Variants in PIK3C2G observed in about 807,000 individuals in gnomAD.
PIK3C2G encodes the protein phosphatidylinositol-4-phosphate 3-kinase catalytic subunit type 2 gamma.
PIK3C2G carries 168 observed loss-of-function variants against 181.1 expected under a neutral mutation model. That is an observed-to-expected ratio of 0.93 (90% CI 0.82 to 1.05). The LOEUF is 1.05. Ranked by LOEUF, PIK3C2G falls within the 50% of genes least tolerant of loss-of-function variation. The probability of loss-of-function intolerance (pLI) is 0.00; values close to 1 mark genes in which losing one functional copy is unlikely to be tolerated. For synonymous variants in PIK3C2G, 573 were observed against 592.2 expected (o/e 0.97, Z 0.47); for missense variants, 1,869 against 1,732.8 (o/e 1.08, Z -1.40).
At chr12:18,613,051 A>C (rs1948422828) in intron 31 of PIK3C2G, among the ~76,000 whole-genome samples, 1 of 152,172 alleles carries the variant, frequency 6.6e-6, no homozygotes. Context: ...GAAACATATA[A>C]AGAACAGTTA....
chr12:18,303,115 C>CTTCCTTCTTTCTTTCT (rs1950253821), intron 5 of PIK3C2G, among the ~76,000 whole-genome samples: 1 of 136,604 alleles, frequency 7.3e-6, no homozygotes, highest in African/African-American at 2.8e-5. Flanking sequence ...TCTTTCTTTC[C>CTTCCTTCTTTCTTTCT]TTCTTTCTTT....
chr12:18,303,196 CT>C (rs1368930740), intron 5 of PIK3C2G, among the ~76,000 whole-genome samples: 1 of 139,840 alleles, frequency 7.2e-6, no homozygotes, highest in African/African-American at 2.7e-5. Context: ...TTCTTTCTTT[CT>C]TTTCCTTTCT....
At chr12:18,553,256 TA>T (rs1486877985) in intron 26 of PIK3C2G, among the ~76,000 whole-genome samples, 4 of 152,172 alleles carry the variant, frequency 2.6e-5, no homozygotes, top group South Asian at 2.1e-4. Context: ...TGTTAAGATT[TA>T]TTTTTTTTGC....
chr12:18,353,442 C>T (rs868243523), intron 11 of PIK3C2G, among the ~76,000 whole-genome samples: 14 of 152,216 alleles, frequency 9.2e-5, no homozygotes, highest in African/African-American at 3.4e-4. Context: ...ACATTGTACC[C>T]CAAGCCGTTT....
chr12:18,635,399 A>G (rs1949548954), intron 31 of PIK3C2G, among the ~76,000 whole-genome samples: 1 of 152,162 alleles, frequency 6.6e-6, no homozygotes, highest in Admixed American at 6.5e-5. Flanking sequence ...TTGATGATGG[A>G]GTATTGTGAT....
At chr12:18,386,174 C>T (rs182127554) in intron 14 of PIK3C2G, among the ~76,000 whole-genome samples, 3 of 152,154 alleles carry the variant, frequency 2.0e-5, no homozygotes, top group Admixed American at 1.3e-4. Flanking sequence ...TTCCCAGGCT[C>T]TCACCAAAGA....
At chr12:18,700,914 A>G in the PIK3C2G span, among the ~76,000 whole-genome samples, 46 of 152,194 alleles carry the variant, frequency 3.0e-4, no homozygotes, top group African/African-American at 1.1e-3. Context: ...TACGTTGTGT[A>G]TCTCTGCATC....
Position 18,465,040 on chromosome 12 carries a change from T to A in PIK3C2G, c.2505-23409T>A, listed in dbSNP as rs187489822. 1.3e-3 allele frequency among the ~76,000 whole-genome samples: 196 copies of A among 151,994 alleles called. 2 individuals are homozygous for A. Among genetic ancestry groups the A allele is most frequent in the African/African-American group, 4.6e-3 (192 of 41,512 alleles). ...AACTCTCTAATCTACCAAAGCTGTATTAGAAATTGTAACATCTACACTTAA... is the reference window on the plus strand; with the variant it reads ...AACTCTCTAATCTACCAAAGCTGTAATAGAAATTGTAACATCTACACTTAA... On this transcript the variant is annotated intron_variant, in intron 18 of 32. Transcript: ENST00000538779.
chr12:18,523,152 AT>A (rs1413041999), intron 24 of PIK3C2G, among the ~76,000 whole-genome samples: 1 of 151,650 alleles, frequency 6.6e-6, no homozygotes, highest in Non-Finnish European at 1.5e-5. Context: ...ATTTCATTTA[AT>A]TTTCTATCTG....
intron 8 of PIK3C2G, among the ~76,000 whole-genome samples, chr12:18,331,635 G>T (rs958996190): frequency 6.6e-6 from 1 of 151,904 alleles, no homozygotes; most frequent in South Asian, 2.1e-4. Context: ...TTAGTCTATA[G>T]CCCTCTTATT....
chr12:18,642,762 T>C (rs1306024928), intron 32 of PIK3C2G, among the ~76,000 whole-genome samples: 1 of 151,318 alleles, frequency 6.6e-6, no homozygotes, highest in East Asian at 1.9e-4. Context: ...GTAATAAATA[T>C]TCGGGGCAGT....
In PIK3C2G at chr12:18,466,698, C is replaced by T. The variant is rs149280355; in HGVS notation, c.2505-21751C>T. Among the ~76,000 whole-genome samples, 1,172 of 151,892 alleles carry T rather than the reference C, an allele frequency of 7.7e-3. 5 individuals are homozygous for T. The highest frequency in any genetic ancestry group is 0.031 in the South Asian group (148 of 4,824). ...TGGATGGATGATTTATTTAGAGAAGCTCGAAAGGTTCAATAAATAGCACAT... is the reference window on the plus strand; with the variant it reads ...TGGATGGATGATTTATTTAGAGAAGTTCGAAAGGTTCAATAAATAGCACAT... On this transcript the variant is annotated intron_variant, in intron 18 of 32. Transcript: ENST00000538779.
At chr12:18,444,909 A>T (rs1946943611) in intron 18 of PIK3C2G, among the ~76,000 whole-genome samples, 1 of 152,144 alleles carries the variant, frequency 6.6e-6, no homozygotes, top group South Asian at 2.1e-4. Context: ...CTTACCCATA[A>T]TTAAAACTAT....
chr12:18,346,913 T>C (rs1939721994), intron 11 of PIK3C2G, 77 bp downstream of exon 11: 3 of 859,200 alleles, frequency 3.5e-6, no homozygotes, highest in South Asian at 2.5e-5. Flanking sequence ...GTCATGTTCT[T>C]ATATGCAGGA....
At chr12:18,301,722 T>G (rs1268860569) in intron 5 of PIK3C2G, among the ~76,000 whole-genome samples, 1 of 152,178 alleles carries the variant, frequency 6.6e-6, no homozygotes, top group Non-Finnish European at 1.5e-5. Flanking sequence ...TTCTTTGGAA[T>G]GAAATTCGTG....
chr12:18,628,020 G>A (rs943088712), intron 31 of PIK3C2G, among the ~76,000 whole-genome samples: 2 of 152,154 alleles, frequency 1.3e-5, no homozygotes, highest in African/African-American at 2.4e-5. Context: ...AACCACGTCT[G>A]TATCTTCATC....
At chr12:18,723,434 C>T in the PIK3C2G span, 8 of 1,612,998 alleles carry the variant, frequency 5.0e-6, no homozygotes, top group Non-Finnish European at 6.8e-6. Flanking sequence ...TTCCGGTTTT[C>T]AGAATATGTG....
intron 8 of PIK3C2G, among the ~76,000 whole-genome samples, chr12:18,334,956 A>G (rs1412147739): frequency 6.6e-6 from 1 of 152,124 alleles, no homozygotes; most frequent in Non-Finnish European, 1.5e-5. Context: ...GCCTGGGTCC[A>G]AAAAGTCACA....
intron 18 of PIK3C2G, among the ~76,000 whole-genome samples, chr12:18,456,869 A>C (rs2135917457): frequency 6.6e-6 from 1 of 152,314 alleles, no homozygotes; most frequent in East Asian, 1.9e-4. Flanking sequence ...CAACGGCTGA[A>C]ATAATTTCTT....
Sources: gnomAD v4.1 joint callset for allele counts (sites outside exome capture counted in the v4.1 genomes callset) on GRCh38, gnomAD v4.1.1 for gene constraint, MANE v1.5 for transcripts, NCBI Gene and HGNC (gene_info 2026-07-23, HGNC 2026-07-21) for gene names.